The following OPCML variants were observed in gnomAD, a reference collection of about 807,000 sequenced individuals.
The protein encoded by OPCML is opioid binding protein/cell adhesion molecule like.
OPCML carries 13 observed loss-of-function variants against 37.8 expected under a neutral mutation model. The observed-to-expected ratio is 0.34, with a 90% CI of 0.22 to 0.55. The LOEUF (loss-of-function observed/expected upper bound fraction) is 0.55, where lower values mean the gene tolerates loss of function less well. Ranked by LOEUF, OPCML falls within the 20% of genes least tolerant of loss-of-function variation. OPCML has a pLI of 0.91. For missense variants in OPCML, 341 were observed against 435.6 expected (o/e 0.78, Z 1.93); for synonymous variants, 176 against 168.8 (o/e 1.04, Z -0.33).
chr11:132,934,040 A>G (rs1644921651), intron 2 of OPCML, among the ~76,000 whole-genome samples: 1 of 152,238 alleles, frequency 6.6e-6, no homozygotes, highest in African/African-American at 2.4e-5. Flanking sequence ...ACTGAGACAC[A>G]GGCTATGTGC....
chr11:132,506,850 C>T (rs755800259), intron 4 of OPCML, among the ~76,000 whole-genome samples: 8 of 151,354 alleles, frequency 5.3e-5, no homozygotes, highest in South Asian at 4.2e-4. Flanking sequence ...AAAAAGCTGA[C>T]GAGAAACAAA....
chr11:133,219,525 G>A (rs1939724227), intron 1 of OPCML, among the ~76,000 whole-genome samples: 1 of 152,206 alleles, frequency 6.6e-6, no homozygotes, highest in Non-Finnish European at 1.5e-5. Context: ...ATTTTAGCAT[G>A]GATAAGAATC....
intron 1 of OPCML, among the ~76,000 whole-genome samples, chr11:133,215,026 G>A (rs1939524543): frequency 6.6e-6 from 1 of 152,164 alleles, no homozygotes; most frequent in African/African-American, 2.4e-5. Context: ...AATGGCATAA[G>A]CATGCATCTT....
rs191640749 is a variant in OPCML at position 132,443,974 on chromosome 11, T to C, written c.506-6615A>G. On this transcript the variant is annotated intron_variant, in intron 4 of 7. Coordinates refer to ENST00000524381, the MANE Select transcript of OPCML (RefSeq NM_001012393.5). Reference sequence around the variant, plus strand: ...CAAGGCTGACATGAGGTTCTTGCCTTTCTCTCTGAGAATTAGAGACAGTGG... The same window carrying C: ...CAAGGCTGACATGAGGTTCTTGCCTCTCTCTCTGAGAATTAGAGACAGTGG... 4.6e-5 allele frequency among the ~76,000 whole-genome samples: 7 copies of C among 152,338 alleles called. No individual in the cohort carries two copies. The East Asian group carries it at 1.4e-3, about 29-fold the overall frequency.
At chr11:132,431,386 TG>T (rs1340901487) in intron 7 of OPCML, among the ~76,000 whole-genome samples, 1 of 152,224 alleles carries the variant, frequency 6.6e-6, no homozygotes, top group Non-Finnish European at 1.5e-5. Flanking sequence ...TCCTTGCTGC[TG>T]GCGTTGACCG....
intron 2 of OPCML, among the ~76,000 whole-genome samples, chr11:132,938,502 TGAG>T (rs1285177499): frequency 6.6e-6 from 1 of 152,230 alleles, no homozygotes; most frequent in Non-Finnish European, 1.5e-5. Context: ...CAGTTGTTAT[TGAG>T]GAGTTCAACT....
chr11:133,046,471 G>A (rs556998333), intron 1 of OPCML, among the ~76,000 whole-genome samples: 1 of 152,060 alleles, frequency 6.6e-6, no homozygotes, highest in African/African-American at 2.4e-5. Context: ...AATGAGCCAC[G>A]GCCTCCCTCC....
At chr11:132,679,742 G>A (rs1422373547) in intron 2 of OPCML, among the ~76,000 whole-genome samples, 6 of 152,222 alleles carry the variant, frequency 3.9e-5, no homozygotes, top group Non-Finnish European at 8.8e-5. Context: ...TGAGTAAAGT[G>A]TATGGCATGT....
chr11:132,567,343 C>A (rs1342730255), intron 3 of OPCML, among the ~76,000 whole-genome samples: 2 of 152,142 alleles, frequency 1.3e-5, no homozygotes, highest in Admixed American at 1.3e-4. Flanking sequence ...TCAGGAAGTA[C>A]CTGTGGTCCT....
intron 2 of OPCML, among the ~76,000 whole-genome samples, chr11:132,818,619 TA>T (rs1176430131): frequency 6.5e-5 from 8 of 122,166 alleles, no homozygotes; most frequent in Non-Finnish European, 1.5e-4. Context: ...GATAGATAGA[TA>T]GATAAACACA....
intron 4 of OPCML, among the ~76,000 whole-genome samples, chr11:132,470,570 G>A (rs1391685682): frequency 6.6e-6 from 1 of 152,180 alleles, no homozygotes; most frequent in African/African-American, 2.4e-5. Context: ...GCATGAATGT[G>A]TTTGAAGTTT....
chr11:133,289,499 G>T (rs1323358698), intron 1 of OPCML, among the ~76,000 whole-genome samples: 1 of 149,722 alleles, frequency 6.7e-6, no homozygotes, highest in Admixed American at 6.6e-5. Context: ...GGAGGCTGAG[G>T]CAGGAGAATG....
chr11:133,201,751 C>T (rs938918778), intron 1 of OPCML, among the ~76,000 whole-genome samples: 1 of 152,180 alleles, frequency 6.6e-6, no homozygotes, highest in African/African-American at 2.4e-5. Flanking sequence ...CATGCTGTGT[C>T]TCCAGCTCAG....
chr11:133,186,200 C>T (rs1203622498), intron 1 of OPCML, among the ~76,000 whole-genome samples: 3 of 152,132 alleles, frequency 2.0e-5, no homozygotes, highest in Non-Finnish European at 4.4e-5. Flanking sequence ...TTACCTAGGG[C>T]AATATGCAAA....
At chr11:132,925,258 T>C (rs1447721233) in intron 2 of OPCML, among the ~76,000 whole-genome samples, 2 of 152,230 alleles carry the variant, frequency 1.3e-5, no homozygotes, top group Non-Finnish European at 2.9e-5. Flanking sequence ...ATCCCTGCCA[T>C]ATCTGAGTCT....
intron 1 of OPCML, among the ~76,000 whole-genome samples, chr11:133,355,876 T>C (rs1944277310): frequency 1.3e-5 from 2 of 152,208 alleles, no homozygotes; most frequent in Non-Finnish European, 2.9e-5. Flanking sequence ...ACAGGGTCTC[T>C]GTCTGTGCAG....
intron 4 of OPCML, among the ~76,000 whole-genome samples, chr11:132,515,377 G>A (rs1230399572): frequency 6.6e-6 from 1 of 152,120 alleles, no homozygotes; most frequent in African/African-American, 2.4e-5. Context: ...CACTTTGCAG[G>A]CTACAAGGAG....
At chr11:132,932,198 T>C (rs1258395773) in intron 2 of OPCML, among the ~76,000 whole-genome samples, 2 of 152,030 alleles carry the variant, frequency 1.3e-5, no homozygotes, top group African/African-American at 2.4e-5. Context: ...GAGTTTCAGT[T>C]TGGGAAGAAG....
chr11:132,549,590 C>T (rs979549881), intron 3 of OPCML, among the ~76,000 whole-genome samples: 2 of 152,148 alleles, frequency 1.3e-5, no homozygotes, highest in Non-Finnish European at 2.9e-5. Context: ...TCATGAAAAG[C>T]AGCCCCAAAT....
Sources: gnomAD v4.1 joint callset for allele counts (sites outside exome capture counted in the v4.1 genomes callset) on GRCh38, gnomAD v4.1.1 for gene constraint, MANE v1.5 for transcripts, NCBI Gene and HGNC (gene_info 2026-07-23, HGNC 2026-07-21) for gene names.